The following SGCD variants were observed in gnomAD, a reference collection of about 807,000 sequenced individuals.
The protein encoded by SGCD is sarcoglycan delta.
A neutral mutation model predicts 36.6 loss-of-function variants in SGCD; 18 were observed. The observed-to-expected ratio is 0.49, with a 90% CI of 0.34 to 0.73. The LOEUF (loss-of-function observed/expected upper bound fraction) is 0.73, where lower values mean the gene tolerates loss of function less well. Among genes scored for constraint, SGCD ranks in the 30% least tolerant of loss-of-function variants. The probability of loss-of-function intolerance (pLI) is 0.01; values close to 1 mark genes in which losing one functional copy is unlikely to be tolerated. For missense variants in SGCD, 387 were observed against 346.7 expected (o/e 1.12, Z -0.92); for synonymous variants, 133 against 130.6 (o/e 1.02, Z -0.12).
the SGCD span, among the ~76,000 whole-genome samples, chr5:155,729,596 G>A: frequency 6.6e-6 from 1 of 152,170 alleles, no homozygotes; most frequent in East Asian, 1.9e-4. Flanking sequence ...CACAATACAG[G>A]GTGTCCAGAC....
intron 4 of SGCD, among the ~76,000 whole-genome samples, chr5:156,576,927 T>C (rs188728327): frequency 0.019 from 2,827 of 152,320 alleles, 36 homozygotes; most frequent in South Asian, 0.03. Flanking sequence ...TTAATTTTTT[T>C]CCCATTTGTC....
chr5:156,176,393 T>C (rs952405167), intron 3 of SGCD, among the ~76,000 whole-genome samples: 1 of 152,196 alleles, frequency 6.6e-6, no homozygotes, highest in Non-Finnish European at 1.5e-5. Context: ...TAGGAATATC[T>C]CTAAGGAAAA....
At chr5:156,143,388 C>T (rs984852283) in intron 3 of SGCD, among the ~76,000 whole-genome samples, 2 of 152,154 alleles carry the variant, frequency 1.3e-5, no homozygotes, top group Non-Finnish European at 2.9e-5. Flanking sequence ...GAGACTGGAT[C>T]CCCCATAGAG....
At chr5:155,791,466 A>T in the SGCD span, among the ~76,000 whole-genome samples, 1 of 152,164 alleles carries the variant, frequency 6.6e-6, no homozygotes, top group Non-Finnish European at 1.5e-5. Flanking sequence ...AAGAAGTCAA[A>T]CTATCTCTCT....
At chr5:156,607,865 T>C (rs926112814) in intron 6 of SGCD, among the ~76,000 whole-genome samples, 58 of 152,236 alleles carry the variant, frequency 3.8e-4, no homozygotes, top group African/African-American at 1.3e-3. Flanking sequence ...GATGGTAGTT[T>C]GTATTTCTGT....
intron 3 of SGCD, among the ~76,000 whole-genome samples, chr5:156,383,894 T>C (rs968925950): frequency 6.6e-6 from 1 of 152,216 alleles, no homozygotes; most frequent in African/African-American, 2.4e-5. Context: ...ATGTATATAA[T>C]GAAATGCCAG....
the SGCD span, among the ~76,000 whole-genome samples, chr5:155,843,524 A>G: frequency 3.3e-5 from 5 of 152,222 alleles, no homozygotes; most frequent in Non-Finnish European, 5.9e-5. Context: ...AGCAGGCTGA[A>G]TTGTCCTCAC....
chr5:155,768,042 A>T, the SGCD span, among the ~76,000 whole-genome samples: 1 of 152,144 alleles, frequency 6.6e-6, no homozygotes, highest in Non-Finnish European at 1.5e-5. Context: ...TGTACTTCTT[A>T]AAATCTTCCA....
At chr5:156,069,479 C>G (rs1337521656) in intron 1 of SGCD, among the ~76,000 whole-genome samples, 1 of 152,068 alleles carries the variant, frequency 6.6e-6, no homozygotes, top group Non-Finnish European at 1.5e-5. Flanking sequence ...TTCCATTGAT[C>G]TATATCTCCA....
At chr5:156,393,912 G>A (rs1459212139) in intron 3 of SGCD, 2 of 444,710 alleles carry the variant, frequency 4.5e-6, no homozygotes, top group East Asian at 1.4e-4. Flanking sequence ...GTTGGTCGTT[G>A]ACACTCACAA....
the SGCD span, among the ~76,000 whole-genome samples, chr5:155,778,978 A>G: frequency 6.6e-6 from 1 of 152,172 alleles, no homozygotes; most frequent in Non-Finnish European, 1.5e-5. Flanking sequence ...TTCTAAAAGA[A>G]GATCTCTCAA....
chr5:155,942,372 C>G (rs1757346576), intron 1 of SGCD, among the ~76,000 whole-genome samples: 1 of 65,382 alleles, frequency 1.5e-5, no homozygotes, highest in East Asian at 5.6e-4. Context: ...CTATTGTCTG[C>G]CTACCTACCT....
intron 6 of SGCD, among the ~76,000 whole-genome samples, chr5:156,607,310 G>C (rs903486046): frequency 6.6e-6 from 1 of 152,156 alleles, no homozygotes; most frequent in Admixed American, 6.5e-5. Flanking sequence ...TAGTCATGTG[G>C]TTTTTGTCAT....
chr5:156,150,992 C>T (rs1439294304), intron 3 of SGCD, among the ~76,000 whole-genome samples: 2 of 151,438 alleles, frequency 1.3e-5, no homozygotes, highest in East Asian at 1.9e-4. Context: ...AGTAGATAAA[C>T]ATAAAAAAGG....
intron 7 of SGCD, among the ~76,000 whole-genome samples, chr5:156,744,020 G>A (rs1276742840): frequency 5.3e-5 from 8 of 152,172 alleles, no homozygotes; most frequent in African/African-American, 1.9e-4. Context: ...GCCAAAGCAG[G>A]CAGTTAAAAC....
intron 3 of SGCD, among the ~76,000 whole-genome samples, chr5:156,433,007 T>A (rs1753091045): frequency 1.3e-5 from 2 of 152,196 alleles, no homozygotes; most frequent in African/African-American, 4.8e-5. Context: ...CAGATTCTGT[T>A]CAGGAGAGTT....
intron 4 of SGCD, among the ~76,000 whole-genome samples, chr5:156,546,718 G>A (rs1220259034): frequency 6.6e-6 from 1 of 152,184 alleles, no homozygotes; most frequent in African/African-American, 2.4e-5. Context: ...TTGTCAGGTA[G>A]GAATTACATG....
intron 1 of SGCD, among the ~76,000 whole-genome samples, chr5:155,890,534 G>A (rs1429779595): frequency 6.6e-6 from 1 of 152,074 alleles, no homozygotes; most frequent in Non-Finnish European, 1.5e-5. Context: ...CATGAGCCCG[G>A]GAGGTTGAGG....
chr5:156,371,177 T>C (rs1770366743), intron 3 of SGCD, among the ~76,000 whole-genome samples: 1 of 152,208 alleles, frequency 6.6e-6, no homozygotes, highest in Admixed American at 6.5e-5. Context: ...CTAGGGATTA[T>C]TTTAAGCAGA....
Sources: gnomAD v4.1 joint callset for allele counts (sites outside exome capture counted in the v4.1 genomes callset) on GRCh38, gnomAD v4.1.1 for gene constraint, MANE v1.5 for transcripts, NCBI Gene and HGNC (gene_info 2026-07-23, HGNC 2026-07-21) for gene names.